GPRIN2: variants seen among roughly 807,000 people sequenced by gnomAD.
The protein encoded by GPRIN2 is G protein-regulated inducer of neurite outgrowth 2.
In GPRIN2, 1 loss-of-function variant was observed where a neutral mutation model predicts 0.3. The ratio of observed to expected loss-of-function variants is 3.90; its 90% CI spans 1.39 to 18.51. The LOEUF (loss-of-function observed/expected upper bound fraction) is 18.51. Among genes scored for constraint, GPRIN2 ranks in the 30% most tolerant of loss-of-function variants. GPRIN2 has a pLI of 0.11. For synonymous variants in GPRIN2, 361 were observed against 258.6 expected (o/e 1.40, Z -3.80); for missense variants, 880 against 604.2 (o/e 1.46, Z -4.79).
chr10:46,545,388 C>T lies in GPRIN2; in HGVS notation c.*3972G>A, dbSNP rs1842068802. The stretch of plus-strand genomic sequence containing the variant: ...AGGTGGGACTGCATCCAGGGCTCCC[C>T]TTTAGGGTCTGACTTGGACTGAAAT... On this transcript the variant is annotated 3_prime_UTR_variant, in exon 3 of 3. Coordinates refer to ENST00000374314, the MANE Select transcript of GPRIN2 (RefSeq NM_001385282.1). Among the ~76,000 whole-genome samples the T allele has an allele frequency of 1.3e-5, 2 of 152,310 alleles. No homozygotes were observed. The highest frequency in any genetic ancestry group is 2.9e-5 in the Non-Finnish European group (2 of 68,058).
At position 46,543,952 on chromosome 10, in the gene GPRIN2, G is replaced by A. The variant is rs895369316; in HGVS notation, c.*5408C>T. Among the ~76,000 whole-genome samples the A allele has an allele frequency of 1.1e-4, 16 of 151,908 alleles. No individual in the cohort carries two copies. The highest frequency in any genetic ancestry group is 3.6e-4 in the African/African-American group (15 of 41,320). On this transcript the variant is annotated 3_prime_UTR_variant, in exon 3 of 3. Transcript: ENST00000374314. ...CAATCCTATGGGCCCACGTCACTTT[G>A]GTTTCGCTTGTTTTTTTTTTTAGTA...
upstream of GPRIN2, among the ~76,000 whole-genome samples, chr10:46,556,890 C>G (rs982971352): frequency 6.6e-6 from 1 of 152,294 alleles, no homozygotes; most frequent in Non-Finnish European, 1.5e-5. Flanking sequence ...TCCAGGCTGC[C>G]CAGCGAACCC....
chr10:46,556,861 G>A (rs1831787424), upstream of GPRIN2, among the ~76,000 whole-genome samples: 290 of 142,126 alleles, frequency 2.0e-3, no homozygotes, highest in Non-Finnish European at 3.1e-3. Context: ...GGCCCCGCCC[G>A]CACCACGACC....
Position 46,549,372 on chromosome 10 carries a change from C to T in GPRIN2, c.1365G>A (p.Ala455=), listed in dbSNP as rs1832742438. Reference sequence around the variant, plus strand: ...GGGCCACAGCTCCTCACTCGGGGGCCGCGCCGGAGCAGCCGCAGCAGCTGG... The same window carrying T: ...GGGCCACAGCTCCTCACTCGGGGGCTGCGCCGGAGCAGCCGCAGCAGCTGG... ...RRPSCCGCSG[A]APE Residue 455 remains alanine (A), a synonymous_variant, in exon 3 of 3, where the codon GCG becomes GCA. Coordinates refer to ENST00000374314, the MANE Select transcript of GPRIN2 (RefSeq NM_001385282.1). The T allele has an allele frequency of 5.3e-5, 78 of 1,477,984 alleles. No individual in the cohort carries two copies. In the South Asian group the frequency reaches 6.1e-4, roughly 12 times the overall value. 91.6% of individuals were successfully genotyped at this position (1,477,984 alleles called of 1,614,324 possible). A position where few individuals can be genotyped will look rare whatever the true frequency, so the allele number is the denominator to read the frequency against.
At position 46,549,276 on chromosome 10, in the gene GPRIN2, A is replaced by AG; in HGVS notation, c.*83dup. The AG allele has an allele frequency of 7.0e-7, 1 of 1,428,520 alleles. No individual in the cohort carries two copies. 88.5% of individuals were successfully genotyped at this position (1,428,520 alleles called of 1,614,324 possible). A position where few individuals can be genotyped will look rare whatever the true frequency, so the allele number is the denominator to read the frequency against. ...GATGTGCCCAGCTGCCGGTGGGTCCAGGGGGCACGGAGCCCCCACCGTCCC... is the reference window on the plus strand; with the variant it reads ...GATGTGCCCAGCTGCCGGTGGGTCCAGGGGGGCACGGAGCCCCCACCGTCCC... On this transcript the variant is annotated 3_prime_UTR_variant, in exon 3 of 3. Coordinates refer to ENST00000374314, the MANE Select transcript of GPRIN2 (RefSeq NM_001385282.1).
intron 2 of GPRIN2, chr10:46,551,375 C>T (rs1166253298): frequency 1.0e-6 from 1 of 985,036 alleles, no homozygotes; most frequent in Non-Finnish European, 1.2e-6. Context: ...TTGGCCTAGC[C>T]TTGCTGAGCT....
At chr10:46,551,044 T>A (rs1832219774) in intron 2 of GPRIN2, among the ~76,000 whole-genome samples, 35 of 152,402 alleles carry the variant, frequency 2.3e-4, no homozygotes, top group African/African-American at 8.2e-4. Context: ...CTCAACTCTT[T>A]ACTGGCTGGT....
intron 1 of GPRIN2, chr10:46,555,573 GA>G (rs1843099316): frequency 6.5e-6 from 1 of 153,494 alleles, no homozygotes; most frequent in Non-Finnish European, 1.5e-5. Context: ...CCTTCACAAT[GA>G]ACGTGCCTTA....
In GPRIN2 at chr10:46,550,396, G is replaced by A. The variant is rs1832385673; in HGVS notation, c.341C>T (p.Ala114Val). The A allele has an allele frequency of 3.1e-6, 5 of 1,611,948 alleles. No individual in the cohort carries two copies. In the Admixed American group the frequency reaches 6.7e-5, roughly 22 times the overall value. Residue 114 changes from alanine (A) to valine (V), a missense_variant, in exon 3 of 3, where the codon GCT becomes GTT. By Grantham distance (64) the Ala-to-Val change is moderately conservative. Coordinates refer to ENST00000374314, the MANE Select transcript of GPRIN2 (RefSeq NM_001385282.1). ...SDLCRLRAPSAAAMQRSHSDL... is the reference protein window; with the variant it reads ...SDLCRLRAPSVAAMQRSHSDL... ...TGAATGGCTCCTCTGCATAGCAGCA[G>A]CACTAGGGGCCCGCAGGCGACACAG...
At chr10:46,556,408 G>GC (rs1843232138) in intron 1 of GPRIN2, among the ~76,000 whole-genome samples, 90 bp downstream of exon 1, 1 of 152,296 alleles carries the variant, frequency 6.6e-6, no homozygotes, top group South Asian at 2.1e-4. Context: ...GCAGGCAGCG[G>GC]GAAGGAGTGG....
rs1391270685 is a variant in GPRIN2, at chr10:46,550,530, AG to A, written c.206del (p.Pro69LeufsTer4). On this transcript the variant is annotated frameshift_variant, in exon 3 of 3. Transcript: ENST00000374314. LOFTEE classifies it low-confidence loss of function (END_TRUNC). ...AGGCCCGTGCTGGCTTCATGCTCTC[AG>A]GCGGGTTCCCCTCTTCCTCCGGGGC... ...PQAPEEEGNP[P>X]ESMKPARASG... is the part of the protein sequence containing the mutation. 2.5e-6 allele frequency: 4 copies of A among 1,595,624 alleles called. No homozygotes were observed. Among genetic ancestry groups the A allele is most frequent in the Non-Finnish European group, 3.4e-6 (4 of 1,170,080 alleles).
intron 2 of GPRIN2, among the ~76,000 whole-genome samples, chr10:46,551,686 C>T (rs1432933692): frequency 6.6e-6 from 1 of 152,312 alleles, no homozygotes; most frequent in East Asian, 1.9e-4. Context: ...CCTCATTGTC[C>T]CCCACCCTCC....
Position 46,544,894 on chromosome 10 carries a change from C to T in GPRIN2, c.*4466G>A, listed in dbSNP as rs1489431098. ...GATTTGGAGGGACCTGGGAATCTCACAGACCTATGGGATGTCCCAGTGATA... is the reference window on the plus strand; with the variant it reads ...GATTTGGAGGGACCTGGGAATCTCATAGACCTATGGGATGTCCCAGTGATA... On this transcript the variant is annotated 3_prime_UTR_variant, in exon 3 of 3. Transcript: ENST00000374314. Among the ~76,000 whole-genome samples the T allele has an allele frequency of 6.6e-6, 1 of 152,308 alleles. No individual in the cohort carries two copies. Among genetic ancestry groups the T allele is most frequent in the Non-Finnish European group, 1.5e-5 (1 of 68,058 alleles).
At chr10:46,554,915 T>C (rs1317979743) in intron 1 of GPRIN2, among the ~76,000 whole-genome samples, 2 of 152,428 alleles carry the variant, frequency 1.3e-5, no homozygotes, top group Non-Finnish European at 2.9e-5. Flanking sequence ...CAGACAACAC[T>C]GTGGCATCCA....
rs957527960 is a variant in GPRIN2 at position 46,545,455 on chromosome 10, C to T, written c.*3905G>A. 5.3e-5 allele frequency among the ~76,000 whole-genome samples: 8 copies of T among 152,300 alleles called. No homozygotes were observed. Among genetic ancestry groups the T allele is most frequent in the African/African-American group, 1.7e-4 (7 of 41,480 alleles). On this transcript the variant is annotated 3_prime_UTR_variant, in exon 3 of 3. Coordinates refer to ENST00000374314, the MANE Select transcript of GPRIN2 (RefSeq NM_001385282.1). ...TTCTGCCCCTCCCTTAACTTGCTCT[C>T]CCCTCCCTAATAACTCCAGCATCCT...
chr10:46,550,569 G>T lies in GPRIN2; in HGVS notation c.168C>A (p.Ser56Arg). The T allele has an allele frequency of 3.2e-6, 5 of 1,586,616 alleles. No individual in the cohort carries two copies. In the Admixed American group the frequency reaches 7.0e-5, roughly 22 times the overall value. Residue 56 changes from serine to arginine, a missense_variant, in exon 3 of 3, where the codon AGC becomes AGA. Physicochemically the swap from Ser to Arg is moderately radical, Grantham distance 110 (BLOSUM62 -1). Transcript: ENST00000374314. ...TVWQAQLGEA[S>R]TRPQAPEEEG... is the part of the protein sequence containing the mutation. ...CTTCCTCCGGGGCCTGGGGTCTGGT[G>T]CTGGCCTCGCCCAGCTGGGCCTGCC...
intron 1 of GPRIN2, among the ~76,000 whole-genome samples, chr10:46,555,109 C>G (rs1843032106): frequency 1.3e-5 from 2 of 152,310 alleles, no homozygotes; most frequent in African/African-American, 4.8e-5. Context: ...CGGCGCCCAG[C>G]TAATTTTTGT....
chr10:46,556,160 C>A (rs1831852877), intron 1 of GPRIN2, among the ~76,000 whole-genome samples: 3 of 152,410 alleles, frequency 2.0e-5, no homozygotes, highest in East Asian at 1.9e-4. Context: ...GCGGGGTAGG[C>A]GGCGCAGTAG....
At position 46,549,172 on chromosome 10, in the gene GPRIN2, G is replaced by A; in HGVS notation, c.*188C>T. On this transcript the variant is annotated 3_prime_UTR_variant, in exon 3 of 3. Transcript: ENST00000374314. The stretch of plus-strand genomic sequence containing the variant: ...TGGCCCTTGGAAATCAAGCCCTTAA[G>A]AAAACAGCCCAGCTGTGTAGGGCCG... The A allele has an allele frequency of 1.4e-6, 1 of 739,638 alleles. No homozygotes were observed. The highest frequency in any genetic ancestry group is 2.0e-6 in the Non-Finnish European group (1 of 492,524). The allele number at this position is 739,638 out of a possible 1,614,324, so 45.8% of individuals were successfully genotyped here.
Sources: allele counts gnomAD v4.1 joint callset (sites outside exome capture counted in the v4.1 genomes callset), GRCh38; gene constraint gnomAD v4.1.1; transcripts MANE v1.5; gene names NCBI Gene and HGNC (gene_info 2026-07-23, HGNC 2026-07-21).